Variants in ERG observed in about 807,000 individuals in gnomAD.
ERG encodes the protein ETS transcription factor ERG, also known as transcriptional regulator ERG.
Under a neutral mutation model 55.3 loss-of-function variants are expected in ERG, and 9 were observed. The ratio of observed to expected loss-of-function variants is 0.16; its 90% CI spans 0.10 to 0.28. The LOEUF (loss-of-function observed/expected upper bound fraction) is 0.28. Ranked by LOEUF, ERG falls within the 10% of genes least tolerant of loss-of-function variation. ERG has a pLI of 1.00. For synonymous variants in ERG, 223 were observed against 237.3 expected, an observed-to-expected ratio of 0.94 and a Z score of 0.55; for missense variants, 434 against 631.6, an observed-to-expected ratio of 0.69 and a Z score of 3.35.
At chr21:38,400,352 A>G (rs369411795) in intron 6 of ERG, 11 of 647,852 alleles carry the variant, frequency 1.7e-5, no homozygotes, top group Admixed American at 6.2e-5. Flanking sequence ...CTGAAAAGCT[A>G]GTTAAAGGGC....
intron 3 of ERG, among the ~76,000 whole-genome samples, chr21:38,405,504 G>A (rs2146461100): frequency 6.6e-6 from 1 of 152,218 alleles, no homozygotes; most frequent in African/African-American, 2.4e-5. Context: ...GGGAGAGTCT[G>A]CTTCAATTAG....
At chr21:38,426,641 T>C (rs1989837255) in intron 2 of ERG, among the ~76,000 whole-genome samples, 1 of 152,118 alleles carries the variant, frequency 6.6e-6, no homozygotes, top group African/African-American at 2.4e-5. Context: ...TATAAAATTA[T>C]AGAAACAGGC....
intron 2 of ERG, among the ~76,000 whole-genome samples, chr21:38,520,253 C>T (rs1373046963): frequency 2.0e-5 from 3 of 152,076 alleles, no homozygotes; most frequent in Admixed American, 2.0e-4. Flanking sequence ...TTGGGAAGAG[C>T]CAGGAGCTGG....
chr21:38,655,160 T>C (rs1272359783), intron 1 of ERG, among the ~76,000 whole-genome samples: 1 of 152,200 alleles, frequency 6.6e-6, no homozygotes, highest in Non-Finnish European at 1.5e-5. Context: ...GCAAAAATCC[T>C]GAAATGCACC....
chr21:38,626,255 T>C (rs771201104), intron 1 of ERG, among the ~76,000 whole-genome samples: 2 of 152,176 alleles, frequency 1.3e-5, no homozygotes, highest in Non-Finnish European at 2.9e-5. Flanking sequence ...GATAATAATA[T>C]TCAGTGTGGA....
chr21:38,512,627 A>G (rs1048984232), intron 2 of ERG, among the ~76,000 whole-genome samples: 7 of 152,244 alleles, frequency 4.6e-5, no homozygotes, highest in African/African-American at 7.2e-5. Context: ...TCACATATGT[A>G]TATTAGCATA....
intron 2 of ERG, among the ~76,000 whole-genome samples, chr21:38,564,228 A>T (rs1436509111): frequency 6.6e-6 from 1 of 152,226 alleles, no homozygotes; most frequent in East Asian, 1.9e-4. Flanking sequence ...GATAAGATGT[A>T]CTTTCTTTTA....
intron 2 of ERG, among the ~76,000 whole-genome samples, chr21:38,434,471 G>A (rs17193899): frequency 0.037 from 5,636 of 152,244 alleles, 278 homozygotes; most frequent in East Asian, 0.21. Context: ...TTCCTGGGCC[G>A]CCAGAGAGGA....
intron 1 of ERG, among the ~76,000 whole-genome samples, chr21:38,497,159 A>G (rs1039517095): frequency 1.3e-5 from 2 of 152,256 alleles, no homozygotes; most frequent in African/African-American, 2.4e-5. Context: ...TTGAGAAATA[A>G]AAGCTGAACT....
chr21:38,496,111 A>C (rs1354316101), intron 1 of ERG, among the ~76,000 whole-genome samples: 1 of 152,214 alleles, frequency 6.6e-6, no homozygotes, highest in Admixed American at 6.5e-5. Context: ...CAAGTTACCA[A>C]GGGAAAATGA....
intron 3 of ERG, among the ~76,000 whole-genome samples, chr21:38,421,131 C>T (rs1489294647): frequency 2.6e-5 from 4 of 152,092 alleles, no homozygotes; most frequent in Non-Finnish European, 4.4e-5. Context: ...TTTTCCCATC[C>T]AACAGGAACA....
At chr21:38,473,002 T>C (rs1279276068) in intron 1 of ERG, among the ~76,000 whole-genome samples, 1 of 152,138 alleles carries the variant, frequency 6.6e-6, no homozygotes, top group Admixed American at 6.5e-5. Context: ...AGACCCGGCA[T>C]GAGGCAGGCA....
intron 1 of ERG, among the ~76,000 whole-genome samples, chr21:38,459,879 AT>A (rs558138518): frequency 1.3e-5 from 2 of 152,266 alleles, no homozygotes; most frequent in Admixed American, 6.5e-5. Flanking sequence ...GCCACAGATA[AT>A]TTTTGAAAAT....
At chr21:38,639,879 A>G (rs1224424849) in intron 1 of ERG, among the ~76,000 whole-genome samples, 1 of 152,234 alleles carries the variant, frequency 6.6e-6, no homozygotes, top group African/African-American at 2.4e-5. Flanking sequence ...CAGGGGACCC[A>G]GCATGAAAAC....
the ERG span, among the ~76,000 whole-genome samples, chr21:38,370,022 G>A: frequency 6.6e-6 from 1 of 152,132 alleles, no homozygotes; most frequent in African/African-American, 2.4e-5. Flanking sequence ...GGTTACTGTA[G>A]CCCTGTATTA....
chr21:38,388,839 G>T (rs77216355), intron 9 of ERG, among the ~76,000 whole-genome samples: 5,419 of 152,220 alleles, frequency 0.036, 107 homozygotes, highest in East Asian at 0.066. Flanking sequence ...GGGCATCCCC[G>T]GGCTGCTGGG....
intron 1 of ERG, among the ~76,000 whole-genome samples, chr21:38,482,828 C>T (rs773242441): frequency 6.6e-5 from 10 of 152,186 alleles, no homozygotes; most frequent in Middle Eastern, 3.4e-3. Context: ...CAGGCACCCA[C>T]GACCACACCC....
chr21:38,519,300 C>T (rs369969143), intron 2 of ERG, among the ~76,000 whole-genome samples: 2 of 152,112 alleles, frequency 1.3e-5, no homozygotes, highest in Non-Finnish European at 2.9e-5. Flanking sequence ...TTAGTAAAAA[C>T]CAAAGGGTGA....
chr21:38,592,254 C>T (rs1356441642), intron 1 of ERG, among the ~76,000 whole-genome samples: 3 of 152,220 alleles, frequency 2.0e-5, no homozygotes, highest in African/African-American at 4.8e-5. Context: ...TGTGCTCTAA[C>T]GCATCATTGC....
Sources: gnomAD v4.1 joint callset for allele counts (sites outside exome capture counted in the v4.1 genomes callset) on GRCh38, gnomAD v4.1.1 for gene constraint, MANE v1.5 for transcripts, NCBI Gene and HGNC (gene_info 2026-07-23, HGNC 2026-07-21) for gene names.